Variants in LIMA1 observed in about 807,000 individuals in gnomAD.
The protein encoded by LIMA1 is LIM domain and actin binding 1.
In LIMA1, 52 loss-of-function variants were observed where a neutral mutation model predicts 62.6. That is an observed-to-expected ratio of 0.83 (90% CI 0.67 to 1.05). LIMA1 has a LOEUF of 1.05. LIMA1 is among the 50% of genes least tolerant of loss of function. LIMA1 has a pLI of 0.00. For missense variants in LIMA1, 780 were observed against 902.2 expected, an observed-to-expected ratio of 0.86 and a Z score of 1.74; for synonymous variants, 302 against 317.8, an observed-to-expected ratio of 0.95 and a Z score of 0.53.
chr12:50,234,789 G>A (rs575681044), intron 2 of LIMA1, among the ~76,000 whole-genome samples: 28 of 152,174 alleles, frequency 1.8e-4, no homozygotes, highest in African/African-American at 6.7e-4. Context: ...CGAGCTGGGC[G>A]GATCGCTTGA....
intron 2 of LIMA1, among the ~76,000 whole-genome samples, chr12:50,232,974 G>A (rs375610718): frequency 6.6e-6 from 1 of 152,110 alleles, no homozygotes; most frequent in Non-Finnish European, 1.5e-5. Context: ...GTGACGGAGC[G>A]AGATTCAAAA....
rs187058183 is a variant in LIMA1, at chr12:50,243,488, C to T, written c.119+5145G>A. Among the ~76,000 whole-genome samples the T allele has an allele frequency of 3.5e-4, 54 of 152,300 alleles. 1 individual carries two copies. The highest frequency in any genetic ancestry group is 3.9e-4 in the East Asian group (2 of 5,190). On this transcript the variant is annotated intron_variant, in intron 2 of 10. Transcript: ENST00000341247. ...CAACGCGCCTGATCTCAACTGATCTCGGAAAATAGTCCTGCAGTCTTCTTT... is the reference window on the plus strand; with the variant it reads ...CAACGCGCCTGATCTCAACTGATCTTGGAAAATAGTCCTGCAGTCTTCTTT...
At chr12:50,261,207 C>T (rs1209897470) in intron 1 of LIMA1, among the ~76,000 whole-genome samples, 2 of 151,154 alleles carry the variant, frequency 1.3e-5, no homozygotes, top group Non-Finnish European at 2.9e-5. Context: ...TGCCCACCAC[C>T]ACGCCCAGCT....
chr12:50,180,336 G>A (rs1004509849), intron 10 of LIMA1, among the ~76,000 whole-genome samples: 1 of 150,472 alleles, frequency 6.6e-6, no homozygotes, highest in Non-Finnish European at 1.5e-5. Flanking sequence ...TTAGCTGGGC[G>A]TGGTGGTGCC....
intron 8 of LIMA1, among the ~76,000 whole-genome samples, chr12:50,193,012 G>A (rs1940814548): frequency 6.6e-6 from 1 of 151,946 alleles, no homozygotes; most frequent in South Asian, 2.1e-4. Flanking sequence ...GTGCGCGCGT[G>A]CGCGCATTTG....
At chr12:50,201,206 C>G in intron 6 of LIMA1, 1 of 1,065,924 alleles carries the variant, frequency 9.4e-7, no homozygotes, top group Non-Finnish European at 1.1e-6. Flanking sequence ...AGCAGCAGAG[C>G]TTGTGGTAAT....
intron 1 of LIMA1, among the ~76,000 whole-genome samples, chr12:50,255,865 C>G (rs1223051057): frequency 6.6e-6 from 1 of 151,950 alleles, no homozygotes; most frequent in Non-Finnish European, 1.5e-5. Context: ...AATTCACATT[C>G]TTGAACATTT....
intron 3 of LIMA1, chr12:50,224,364 A>C (rs1274783691): frequency 1.3e-5 from 2 of 152,246 alleles, no homozygotes; most frequent in Non-Finnish European, 2.9e-5. Flanking sequence ...ATTTTAGCTT[A>C]CAAAATGATC....
At chr12:50,262,724 C>T (rs768620974) in intron 1 of LIMA1, among the ~76,000 whole-genome samples, 3 of 152,000 alleles carry the variant, frequency 2.0e-5, no homozygotes, top group Admixed American at 6.6e-5. Flanking sequence ...TTGGCTGAAA[C>T]AGGAGGATCA....
chr12:50,221,915 A>G (rs1458435461), intron 4 of LIMA1, 106 bp downstream of exon 4: 1 of 879,382 alleles, frequency 1.1e-6, no homozygotes, highest in East Asian at 2.4e-5. Flanking sequence ...ATCAAAAGAC[A>G]TACTGACCAC....
Position 50,250,986 on chromosome 12 carries a change from A to T in LIMA1, c.-23-2212T>A, listed in dbSNP as rs118103335. Among the ~76,000 whole-genome samples the T allele has an allele frequency of 2.9e-3, 444 of 152,296 alleles. 3 individuals are homozygous for T. The highest frequency in any genetic ancestry group is 4.1e-3 in the Non-Finnish European group (278 of 68,018). ...TTTTCTTTTCTTCCTGAACAAAATAATCTTAATTCTATACATGTACTTTGC... is the reference window on the plus strand; with the variant it reads ...TTTTCTTTTCTTCCTGAACAAAATATTCTTAATTCTATACATGTACTTTGC... On this transcript the variant is annotated intron_variant, in intron 1 of 10. Coordinates refer to ENST00000341247, the MANE Select transcript of LIMA1 (RefSeq NM_016357.5).
chr12:50,207,283 C>T (rs547044370), intron 4 of LIMA1, among the ~76,000 whole-genome samples: 2 of 152,134 alleles, frequency 1.3e-5, no homozygotes, highest in Non-Finnish European at 2.9e-5. Context: ...ACATTTATCT[C>T]TGTCATATCT....
At chr12:50,265,520 CAAAA>C (rs761424965) in intron 1 of LIMA1, among the ~76,000 whole-genome samples, 1 of 125,360 alleles carries the variant, frequency 8.0e-6, no homozygotes, top group African/African-American at 3.0e-5. Context: ...AATTCCATCT[CAAAA>C]AAAAAAAAAA....
At position 50,244,792 on chromosome 12, in the gene LIMA1, G is replaced by A. The variant is rs573715660; in HGVS notation, c.119+3841C>T. Among the ~76,000 whole-genome samples, 57 of 152,270 alleles carry A rather than the reference G, an allele frequency of 3.7e-4. No individual in the cohort carries two copies. In the South Asian group the frequency reaches 5.6e-3, roughly 15 times the overall value. ...GCTACTATAGGACCCAAATCCTAAT[G>A]AGAACTGGCTGGGCTGGACAATGAC... is the stretch of plus-strand genomic sequence containing the variant. On this transcript the variant is annotated intron_variant, in intron 2 of 10. Coordinates refer to ENST00000341247, the MANE Select transcript of LIMA1 (RefSeq NM_016357.5).
chr12:50,255,427 G>C (rs1682434994), intron 1 of LIMA1, among the ~76,000 whole-genome samples: 1 of 151,556 alleles, frequency 6.6e-6, no homozygotes, highest in Non-Finnish European at 1.5e-5. Context: ...GGCCATGGTG[G>C]TGTGTCTGTG....
At chr12:50,263,534 G>A (rs1377553087) in intron 1 of LIMA1, among the ~76,000 whole-genome samples, 2 of 152,224 alleles carry the variant, frequency 1.3e-5, no homozygotes, top group East Asian at 3.9e-4. Flanking sequence ...CATAGTATAG[G>A]TAGGTTTTTT....
intron 9 of LIMA1, chr12:50,186,737 C>T (rs1477177409): frequency 6.6e-6 from 1 of 152,246 alleles, no homozygotes; most frequent in Middle Eastern, 3.2e-3. Flanking sequence ...TGTTCATAAG[C>T]TCTTATTAAA....
chr12:50,217,708 G>C, intron 4 of LIMA1: 1 of 280,542 alleles, frequency 3.6e-6, no homozygotes, highest in East Asian at 1.0e-4. Flanking sequence ...GTCTACAGTG[G>C]GGGGAAGGTG....
At chr12:50,258,639 CTTTTTTTTTTTTT>C (rs34324226) in intron 1 of LIMA1, among the ~76,000 whole-genome samples, 1 of 67,384 alleles carries the variant, frequency 1.5e-5, no homozygotes, top group African/African-American at 7.9e-5. Context: ...TCTACCTATA[CTTTTTTTTTTTTT>C]TTTTTTTTTT....
Sources: gnomAD v4.1 joint callset for allele counts (sites outside exome capture counted in the v4.1 genomes callset) on GRCh38, gnomAD v4.1.1 for gene constraint, MANE v1.5 for transcripts, NCBI Gene and HGNC (gene_info 2026-07-23, HGNC 2026-07-21) for gene names.